The following GNB1 variants were observed in gnomAD, a reference collection of about 807,000 sequenced individuals.
The protein encoded by GNB1 is guanine nucleotide-binding protein G(I)/G(S)/G(T) subunit beta-1.
A neutral mutation model predicts 42.9 loss-of-function variants in GNB1; 2 were observed. The observed-to-expected ratio is 0.05, with a 90% CI of 0.02 to 0.15. The LOEUF (loss-of-function observed/expected upper bound fraction) is 0.15, where lower values mean the gene tolerates loss of function less well. GNB1 is among the 10% of genes least tolerant of loss of function. GNB1 has a pLI of 1.00. For synonymous variants in GNB1, 183 were observed against 174.7 expected, an observed-to-expected ratio of 1.05 and a Z score of -0.38; for missense variants, 193 against 462.2, an observed-to-expected ratio of 0.42 and a Z score of 5.34.
chr1:1,858,453 C>T (rs1648425035), intron 1 of GNB1, among the ~76,000 whole-genome samples: 1 of 152,156 alleles, frequency 6.6e-6, no homozygotes, highest in South Asian at 2.1e-4. Context: ...CCTGGGCATC[C>T]TATGGCCTCC....
At chr1:1,819,401 A>C (rs1646900565) in intron 3 of GNB1, among the ~76,000 whole-genome samples, 2 of 152,026 alleles carry the variant, frequency 1.3e-5, no homozygotes, top group Admixed American at 1.3e-4. Flanking sequence ...TAGTATTTTT[A>C]GTAGAGATGA....
At chr1:1,833,535 A>C (rs1391829494) in intron 2 of GNB1, among the ~76,000 whole-genome samples, 2 of 152,154 alleles carry the variant, frequency 1.3e-5, no homozygotes, top group Non-Finnish European at 2.9e-5. Flanking sequence ...TCCCTCCAAC[A>C]CAACAGGCAC....
chr1:1,832,763 T>G (rs193009943), intron 2 of GNB1, among the ~76,000 whole-genome samples: 13 of 152,246 alleles, frequency 8.5e-5, no homozygotes, highest in Admixed American at 4.6e-4. Context: ...GGCTGCAAGT[T>G]TGCCAATGAC....
chr1:1,792,995 G>A (rs1323019070), intron 8 of GNB1, among the ~76,000 whole-genome samples: 2 of 152,058 alleles, frequency 1.3e-5, no homozygotes, highest in Non-Finnish European at 2.9e-5. Flanking sequence ...AAACCCGGCA[G>A]GCAGATGTCG....
At chr1:1,840,866 A>G (rs1004996117) in intron 1 of GNB1, among the ~76,000 whole-genome samples, 6 of 152,054 alleles carry the variant, frequency 3.9e-5, no homozygotes, top group African/African-American at 1.4e-4. Flanking sequence ...CCAATTCTAG[A>G]TTTCTTCTGA....
intron 1 of GNB1, among the ~76,000 whole-genome samples, chr1:1,882,033 GAGCCAC>G (rs1367387240): frequency 6.6e-6 from 1 of 151,982 alleles, no homozygotes; most frequent in Non-Finnish European, 1.5e-5. Context: ...GTGTCCCTGG[GAGCCAC>G]AGCCACTGCC....
chr1:1,885,961 T>C (rs1420824208), intron 1 of GNB1, among the ~76,000 whole-genome samples: 1 of 150,016 alleles, frequency 6.7e-6, no homozygotes, highest in Non-Finnish European at 1.5e-5. Flanking sequence ...CTGATTACCA[T>C]GGCACCCAAT....
intron 1 of GNB1, among the ~76,000 whole-genome samples, chr1:1,845,821 C>CCA (rs1378797965): frequency 2.1e-5 from 2 of 96,226 alleles, no homozygotes; most frequent in African/African-American, 9.1e-5. Flanking sequence ...GTGTGTAAGT[C>CCA]CATACACACA....
At chr1:1,841,439 G>A (rs758655749) in intron 1 of GNB1, among the ~76,000 whole-genome samples, 5 of 152,062 alleles carry the variant, frequency 3.3e-5, no homozygotes, top group African/African-American at 4.8e-5. Context: ...TTCAGCCTCC[G>A]AAAGTGTTGG....
intron 1 of GNB1, among the ~76,000 whole-genome samples, chr1:1,866,539 CA>C (rs1194845216): frequency 6.6e-6 from 1 of 151,750 alleles, no homozygotes; most frequent in Non-Finnish European, 1.5e-5. Context: ...TAGATTCATC[CA>C]GGGGTGTCCA....
chr1:1,806,568 A>G, intron 5 of GNB1, 30 bp from the exon 6 acceptor site: 1 of 1,468,316 alleles, frequency 6.8e-7, no homozygotes, highest in Non-Finnish European at 9.5e-7. Flanking sequence ...CAAACCTATC[A>G]GTACCGCACA....
intron 2 of GNB1, among the ~76,000 whole-genome samples, chr1:1,830,418 C>G (rs1008797778): frequency 6.6e-6 from 1 of 151,942 alleles, no homozygotes; most frequent in Admixed American, 6.6e-5. Flanking sequence ...CCCGCCACCA[C>G]GCCCAGCTAA....
chr1:1,858,721 G>A (rs1482497023), intron 1 of GNB1, among the ~76,000 whole-genome samples: 1 of 152,276 alleles, frequency 6.6e-6, no homozygotes, highest in East Asian at 1.9e-4. Context: ...AAAGCCAAGG[G>A]AAGCACAGCA....
At chr1:1,877,307 A>AT (rs1649598948) in intron 1 of GNB1, among the ~76,000 whole-genome samples, 2 of 142,678 alleles carry the variant, frequency 1.4e-5, no homozygotes, top group African/African-American at 5.1e-5. Context: ...TCAAAAAAAA[A>AT]AAAAAAAAAA....
At chr1:1,804,971 C>A (rs1473328662) in intron 6 of GNB1, among the ~76,000 whole-genome samples, 1 of 151,764 alleles carries the variant, frequency 6.6e-6, no homozygotes, top group Non-Finnish European at 1.5e-5. Context: ...ACCAGCTTAG[C>A]CAACATGGTG....
chr1:1,884,992 A>G (rs1650067413), intron 1 of GNB1, among the ~76,000 whole-genome samples: 1 of 151,980 alleles, frequency 6.6e-6, no homozygotes. Context: ...CAGTATTCCA[A>G]TTCTAACAGG....
chr1:1,833,847 T>C (rs1647108718), intron 2 of GNB1, among the ~76,000 whole-genome samples: 1 of 152,056 alleles, frequency 6.6e-6, no homozygotes, highest in Admixed American at 6.6e-5. Flanking sequence ...TACCTTAGGA[T>C]TTTGCCTGTG....
intron 1 of GNB1, among the ~76,000 whole-genome samples, chr1:1,868,652 G>A (rs558698524): frequency 1.1e-4 from 16 of 151,880 alleles, no homozygotes; most frequent in Admixed American, 8.5e-4. Flanking sequence ...GCATGGTGGC[G>A]GGCACCTGTA....
chr1:1,888,579 C>T (rs368278006), intron 1 of GNB1, among the ~76,000 whole-genome samples: 1 of 152,022 alleles, frequency 6.6e-6, no homozygotes, highest in Admixed American at 6.6e-5. Flanking sequence ...GGCTCACGCT[C>T]GTAATCCCAG....
Sources: allele counts gnomAD v4.1 joint callset (sites outside exome capture counted in the v4.1 genomes callset), GRCh38; gene constraint gnomAD v4.1.1; transcripts MANE v1.5; gene names NCBI Gene and HGNC (gene_info 2026-07-23, HGNC 2026-07-21).